WDPCP: variants seen among roughly 807,000 people sequenced by gnomAD.
WDPCP encodes the protein WD repeat containing planar cell polarity effector.
Under a neutral mutation model 93.1 loss-of-function variants are expected in WDPCP, and 71 were observed. The ratio of observed to expected loss-of-function variants is 0.76; its 90% CI spans 0.63 to 0.93. WDPCP has a LOEUF of 0.93. Ranked by LOEUF, WDPCP falls within the 40% of genes least tolerant of loss-of-function variation. The probability of loss-of-function intolerance (pLI) is 0.00; values close to 1 mark genes in which losing one functional copy is unlikely to be tolerated. For synonymous variants in WDPCP, 315 were observed against 315.0 expected, an observed-to-expected ratio of 1.00 and a Z score of 0.00; for missense variants, 844 against 887.4, an observed-to-expected ratio of 0.95 and a Z score of 0.62.
chr2:63,146,045 G>A (rs186901572), intron 17 of WDPCP, among the ~76,000 whole-genome samples: 7 of 152,124 alleles, frequency 4.6e-5, no homozygotes, highest in Admixed American at 3.3e-4. Flanking sequence ...AGTCATTTTT[G>A]TACATTGGTT....
intron 9 of WDPCP, among the ~76,000 whole-genome samples, chr2:63,421,670 G>A (rs200093402): frequency 2.6e-5 from 4 of 152,220 alleles, no homozygotes; most frequent in East Asian, 3.9e-4. Flanking sequence ...GAGTTGTCAC[G>A]AGGAGTACTA....
At chr2:63,544,365 T>C (rs183909809) in intron 1 of WDPCP, among the ~76,000 whole-genome samples, 257 of 152,306 alleles carry the variant, frequency 1.7e-3, no homozygotes, top group Non-Finnish European at 2.9e-3. Flanking sequence ...TTAACTTTGT[T>C]TGACTTATAA....
intron 12 of WDPCP, among the ~76,000 whole-genome samples, chr2:63,323,406 C>T (rs1387783605): frequency 1.3e-5 from 2 of 152,162 alleles, no homozygotes; most frequent in African/African-American, 4.8e-5. Flanking sequence ...TTGCCCAAAG[C>T]CCCATCGTAG....
At chr2:63,138,311 T>C (rs74854189) in intron 17 of WDPCP, among the ~76,000 whole-genome samples, 1 of 152,140 alleles carries the variant, frequency 6.6e-6, no homozygotes, top group South Asian at 2.1e-4. Context: ...GTTGTGCTAA[T>C]GTGTGCATGC....
chr2:63,660,299 C>T (rs1343608704), intron 2 of WDPCP, among the ~76,000 whole-genome samples: 1 of 152,124 alleles, frequency 6.6e-6, no homozygotes, highest in Non-Finnish European at 1.5e-5. Flanking sequence ...TAAGCTCCAC[C>T]CTTAAAATTC....
intron 12 of WDPCP, among the ~76,000 whole-genome samples, chr2:63,319,239 T>G (rs1686903463): frequency 6.6e-6 from 1 of 152,238 alleles, no homozygotes; most frequent in African/African-American, 2.4e-5. Flanking sequence ...AAGGGTTTTA[T>G]AGTTGTAGGT....
At chr2:63,189,230 C>CT (rs1463309128) in intron 14 of WDPCP, among the ~76,000 whole-genome samples, 1 of 152,192 alleles carries the variant, frequency 6.6e-6, no homozygotes, top group East Asian at 1.9e-4. Context: ...ACTATGCAAA[C>CT]TGTCATTCTC....
chr2:63,773,713 A>G (rs549700007), intron 2 of WDPCP, among the ~76,000 whole-genome samples: 14 of 152,246 alleles, frequency 9.2e-5, no homozygotes, highest in African/African-American at 3.4e-4. Context: ...ACCAGGTTCA[A>G]TGCCAAAATA....
In WDPCP at chr2:63,541,701, A is replaced by C. The variant is rs114996679; in HGVS notation, c.75+46496T>G. On this transcript the variant is annotated intron_variant, in intron 1 of 17. Coordinates refer to ENST00000272321, the MANE Select transcript of WDPCP (RefSeq NM_015910.7). The stretch of plus-strand genomic sequence containing the variant: ...AGGCGATAAGAGTCATGTAAAAGCC[A>C]GTGCCATACCAACTAGTTAATAACA... Among the ~76,000 whole-genome samples the C allele has an allele frequency of 5.4e-3, 829 of 152,308 alleles. 6 individuals carry two copies. Among genetic ancestry groups the C allele is most frequent in the Middle Eastern group, 0.01 (3 of 294 alleles).
intron 2 of WDPCP, among the ~76,000 whole-genome samples, chr2:63,782,740 A>ATGTGTGTGTGTGTGTG (rs70965143): frequency 2.8e-4 from 40 of 141,234 alleles, no homozygotes; most frequent in South Asian, 2.6e-3. Context: ...CACAGGCAAC[A>ATGTGTGTGTGTGTGTG]TGTGTGTGTG....
At chr2:63,223,724 G>A (rs1678032495) in intron 14 of WDPCP, among the ~76,000 whole-genome samples, 1 of 152,054 alleles carries the variant, frequency 6.6e-6, no homozygotes, top group African/African-American at 2.4e-5. Flanking sequence ...ATGCTATTAG[G>A]CGGGGGTTTA....
intron 10 of WDPCP, among the ~76,000 whole-genome samples, chr2:63,393,671 A>G (rs1693473534): frequency 6.6e-6 from 1 of 152,170 alleles, no homozygotes; most frequent in African/African-American, 2.4e-5. Context: ...CCCAACTTCA[A>G]ACTATACCAC....
chr2:63,536,828 C>T (rs1471043958), intron 1 of WDPCP, among the ~76,000 whole-genome samples: 2 of 137,984 alleles, frequency 1.4e-5, no homozygotes, highest in African/African-American at 2.8e-5. Context: ...TGCAGTGGCG[C>T]GATCTTGGCT....
intron 14 of WDPCP, among the ~76,000 whole-genome samples, chr2:63,243,494 T>C (rs1419128687): frequency 1.3e-5 from 2 of 152,152 alleles, no homozygotes; most frequent in Non-Finnish European, 2.9e-5. Context: ...TCATTGATAG[T>C]TTCTATTGCT....
upstream of WDPCP, chr2:63,589,304 C>A: frequency 1.9e-6 from 3 of 1,550,724 alleles, no homozygotes; most frequent in South Asian, 1.2e-5. Flanking sequence ...CGATCTTAAT[C>A]CTGCTGCATG....
chr2:63,166,067 T>C (rs542473661), intron 15 of WDPCP, among the ~76,000 whole-genome samples: 1 of 152,110 alleles, frequency 6.6e-6, no homozygotes, highest in Non-Finnish European at 1.5e-5. Context: ...TTAATTTTAA[T>C]TTTAATTTTT....
intron 1 of WDPCP, among the ~76,000 whole-genome samples, chr2:63,542,052 T>C (rs1440361584): frequency 6.6e-6 from 1 of 152,212 alleles, no homozygotes; most frequent in East Asian, 1.9e-4. Context: ...AGTTGAGTTA[T>C]AGTCATTAAA....
chr2:63,257,250 T>C (rs893320144), intron 14 of WDPCP, among the ~76,000 whole-genome samples: 3 of 152,120 alleles, frequency 2.0e-5, no homozygotes, highest in Admixed American at 1.3e-4. Context: ...CTTGCTTGCA[T>C]CAAAGAACCA....
chr2:63,450,184 CAT>C (rs1698141503), intron 6 of WDPCP, among the ~76,000 whole-genome samples: 1 of 152,132 alleles, frequency 6.6e-6, no homozygotes, highest in African/African-American at 2.4e-5. Context: ...CCACTGCAGG[CAT>C]AGTCAGTAAG....
Sources: allele counts gnomAD v4.1 joint callset (sites outside exome capture counted in the v4.1 genomes callset), GRCh38; gene constraint gnomAD v4.1.1; transcripts MANE v1.5; gene names NCBI Gene and HGNC (gene_info 2026-07-23, HGNC 2026-07-21).